Variants in FANCC observed in about 807,000 individuals in gnomAD.
FANCC encodes the protein FA complementation group C.
In FANCC, 55 loss-of-function variants were observed where a neutral mutation model predicts 71.3. The ratio of observed to expected loss-of-function variants is 0.77; its 90% confidence interval spans 0.62 to 0.97. The LOEUF (loss-of-function observed/expected upper bound fraction) is 0.97, where lower values mean the gene tolerates loss of function less well. FANCC is among the 50% of genes least tolerant of loss of function. FANCC has a pLI of 0.00. For synonymous variants in FANCC, 275 were observed against 244.9 expected, an observed-to-expected ratio of 1.12 and a Z score of -1.15; for missense variants, 678 against 670.9, an observed-to-expected ratio of 1.01 and a Z score of -0.12.
At position 95,171,241 on chromosome 9, in the gene FANCC, C is replaced by T; in HGVS notation, c.457-98G>A. ...TGAGTGATATTTCCGTTGAGATTCC[C>T]CCAACCCCCATCTTCTCATGTTTCA... On this transcript the variant is annotated intron_variant, in intron 5 of 14. Coordinates refer to ENST00000289081, the MANE Select transcript of FANCC (RefSeq NM_000136.3). 4 of 866,378 alleles carry T rather than the reference C, an allele frequency of 4.6e-6. No homozygotes were observed. The South Asian group carries it at 5.5e-5, about 12-fold the overall frequency. 53.7% of individuals were successfully genotyped at this position (866,378 alleles called of 1,614,324 possible). A position where few individuals can be genotyped will look rare whatever the true frequency, so the allele number is the denominator to read the frequency against.
At chr9:95,149,632 C>T (rs929075687) in intron 7 of FANCC, among the ~76,000 whole-genome samples, 1 of 152,030 alleles carries the variant, frequency 6.6e-6, no homozygotes, top group African/African-American at 2.4e-5. Flanking sequence ...GCACACACCA[C>T]CATGCTTGAC....
intron 1 of FANCC, 181 bp downstream of exon 1, chr9:95,317,345 A>G (rs937625393): frequency 1.5e-5 from 2 of 135,220 alleles, no homozygotes; most frequent in African/African-American, 6.0e-5. Context: ...CCTCAGCCTT[A>G]GCCACAGCCC....
intron 7 of FANCC, among the ~76,000 whole-genome samples, chr9:95,143,354 C>T (rs1423765370): frequency 6.6e-6 from 1 of 152,120 alleles, no homozygotes; most frequent in East Asian, 1.9e-4. Flanking sequence ...CTGATTAAAT[C>T]GCTGGCCAGT....
At chr9:95,241,079 A>T (rs1830601021) in intron 3 of FANCC, among the ~76,000 whole-genome samples, 1 of 152,188 alleles carries the variant, frequency 6.6e-6, no homozygotes, top group Non-Finnish European at 1.5e-5. Flanking sequence ...AAGCCAAACG[A>T]GAATGATGGA....
At chr9:95,288,128 T>A (rs4647386) in intron 1 of FANCC, among the ~76,000 whole-genome samples, 5,583 of 152,274 alleles carry the variant, frequency 0.037, 306 homozygotes, top group African/African-American at 0.12. Context: ...ATAATTTAAT[T>A]TTAATATTAA....
rs539262120 is a variant in FANCC, at chr9:95,230,882, G to A, written c.345+9767C>T. On this transcript the variant is annotated intron_variant, in intron 4 of 14. Transcript: ENST00000289081. ...CCATTTTTACAGAGTGCTGATTGGT[G>A]CATTTACAATCCTTTAGCTAGACAT... Among the ~76,000 whole-genome samples, 14 of 152,184 alleles carry A rather than the reference G, an allele frequency of 9.2e-5. No homozygotes were observed. The South Asian group carries it at 2.9e-3, about 32-fold the overall frequency.
At chr9:95,126,302 G>A (rs45629033) in intron 9 of FANCC, among the ~76,000 whole-genome samples, 1 of 152,104 alleles carries the variant, frequency 6.6e-6, no homozygotes, top group Non-Finnish European at 1.5e-5. Flanking sequence ...AATCTTAAAA[G>A]GCTAAAGAAA....
rs771280060 is a variant in FANCC, at chr9:95,149,906, A to G, written c.686+17T>C. ...AGGAAAAACGACGCAGGATGACAGG[A>G]AACATTTGCCACTTACAGCAAAATG... On this transcript the variant is annotated intron_variant, in intron 7 of 14. Transcript: ENST00000289081. 1 of 1,585,862 alleles carries G rather than the reference A, an allele frequency of 6.3e-7. No homozygotes were observed. The highest frequency in any genetic ancestry group is 8.6e-7 in the Non-Finnish European group (1 of 1,165,598).
chr9:95,257,347 C>T (rs934685733), intron 1 of FANCC, among the ~76,000 whole-genome samples: 1 of 152,158 alleles, frequency 6.6e-6, no homozygotes, highest in East Asian at 1.9e-4. Context: ...GATCACAGTG[C>T]AATCAAATTA....
chr9:95,134,205 C>T (rs1215632289), intron 8 of FANCC, among the ~76,000 whole-genome samples: 3 of 152,114 alleles, frequency 2.0e-5, no homozygotes, highest in Admixed American at 1.3e-4. Flanking sequence ...GAAACGGGAT[C>T]GCGGAGGAAG....
chr9:95,203,773 T>G lies in FANCC; in HGVS notation c.346-31626A>C, dbSNP rs543550033. On this transcript the variant is annotated intron_variant, in intron 4 of 14. Transcript: ENST00000289081. ...ATTTTGAGTGGCACTGTTTTACATT[T>G]TTTTGCAAATCTCTTTAATGTTTGT... Among the ~76,000 whole-genome samples the G allele has an allele frequency of 2.6e-5, 4 of 152,348 alleles. No homozygotes were observed. The East Asian group carries it at 7.7e-4, about 29-fold the overall frequency.
At chr9:95,153,097 G>A (rs1348115955) in intron 6 of FANCC, among the ~76,000 whole-genome samples, 3 of 152,202 alleles carry the variant, frequency 2.0e-5, no homozygotes, top group Non-Finnish European at 2.9e-5. Flanking sequence ...ACTAATAAGT[G>A]AGAACATAAC....
chr9:95,168,864 C>T (rs1825479952), intron 6 of FANCC, among the ~76,000 whole-genome samples: 1 of 152,212 alleles, frequency 6.6e-6, no homozygotes, highest in Non-Finnish European at 1.5e-5. Flanking sequence ...ATGATGAAAT[C>T]TCATGCTGTC....
At chr9:95,138,035 G>A (rs909590001) in intron 7 of FANCC, among the ~76,000 whole-genome samples, 5 of 152,262 alleles carry the variant, frequency 3.3e-5, no homozygotes, top group African/African-American at 4.8e-5. Context: ...CGGGCAAGGC[G>A]CAGAGGAGTG....
At chr9:95,294,415 A>G (rs1834249605) in intron 1 of FANCC, 1 of 1,604,520 alleles carries the variant, frequency 6.2e-7, no homozygotes. Context: ...GGGAAATTCT[A>G]ACTTCTTAGG....
intron 4 of FANCC, among the ~76,000 whole-genome samples, chr9:95,240,233 C>T (rs976639288): frequency 1.6e-4 from 25 of 152,192 alleles, no homozygotes; most frequent in African/African-American, 1.9e-4. Flanking sequence ...GTGCTGCTCC[C>T]GCCGCACTGC....
At chr9:95,201,373 T>C (rs112453522) in intron 4 of FANCC, among the ~76,000 whole-genome samples, 2 of 152,186 alleles carry the variant, frequency 1.3e-5, no homozygotes, top group Non-Finnish European at 2.9e-5. Context: ...ACACAACTTT[T>C]TAATGGAACT....
intron 1 of FANCC, among the ~76,000 whole-genome samples, chr9:95,291,970 ATATAT>A (rs1834044855): frequency 3.6e-5 from 3 of 83,874 alleles, no homozygotes; most frequent in Non-Finnish European, 4.9e-5. Flanking sequence ...AAAAAAAAAT[ATATAT>A]ATATATATAT....
intron 10 of FANCC, among the ~76,000 whole-genome samples, chr9:95,117,612 A>T (rs201308904): frequency 2.6e-5 from 2 of 77,100 alleles, no homozygotes; most frequent in East Asian, 7.8e-4. Context: ...TTAAAAATTT[A>T]TGCTCTTGAT....
Sources: allele counts gnomAD v4.1 joint callset (sites outside exome capture counted in the v4.1 genomes callset), GRCh38; gene constraint gnomAD v4.1.1; transcripts MANE v1.5; gene names NCBI Gene and HGNC (gene_info 2026-07-23, HGNC 2026-07-21).